TMEM215: variants seen among roughly 807,000 people sequenced by gnomAD.
TMEM215 encodes the protein transmembrane protein 215.
A neutral mutation model predicts 14.7 loss-of-function variants in TMEM215; 12 were observed. The ratio of observed to expected loss-of-function variants is 0.82; its 90% CI spans 0.52 to 1.33. The LOEUF (loss-of-function observed/expected upper bound fraction) is 1.33, where lower values mean the gene tolerates loss of function less well. Among genes scored for constraint, TMEM215 ranks in the 40% most tolerant of loss-of-function variants. The probability of loss-of-function intolerance (pLI) is 0.00; values close to 1 mark genes in which losing one functional copy is unlikely to be tolerated. For synonymous variants in TMEM215, 122 were observed against 124.8 expected, an observed-to-expected ratio of 0.98 and a Z score of 0.15; for missense variants, 276 against 296.2, an observed-to-expected ratio of 0.93 and a Z score of 0.50.
Position 32,786,839 on chromosome 9 carries a change from A to C in TMEM215, c.*1948A>C, listed in dbSNP as rs1309090068. ...AACTTAAAATGTTGGTATAACTCAAAGTAATCTAATACACAACCTTGCACT... is the reference window on the plus strand; with the variant it reads ...AACTTAAAATGTTGGTATAACTCAACGTAATCTAATACACAACCTTGCACT... On this transcript the variant is annotated 3_prime_UTR_variant, in exon 2 of 2. Coordinates refer to ENST00000342743, the MANE Select transcript of TMEM215 (RefSeq NM_212558.3). The C allele has an allele frequency of 6.0e-6, 1 of 167,014 alleles. No individual in the cohort carries two copies. The highest frequency in any genetic ancestry group is 1.5e-5 in the Non-Finnish European group (1 of 68,044). 10.3% of individuals were successfully genotyped at this position (167,014 alleles called of 1,614,324 possible).
chr9:32,788,124 C>CAT lies in TMEM215; in HGVS notation c.*3234_*3235insTA, dbSNP rs1019513925. 6.6e-6 allele frequency among the ~76,000 whole-genome samples: 1 copy of CAT among 152,112 alleles called. No homozygotes were observed. The highest frequency in any genetic ancestry group is 2.4e-5 in the African/African-American group (1 of 41,420). ...TGGATCTTAATATCCACTGAGATGA[C>CAT]AAATGTAGGAAAGGAAGATTCATTC... On this transcript the variant is annotated 3_prime_UTR_variant, in exon 2 of 2. Coordinates refer to ENST00000342743, the MANE Select transcript of TMEM215 (RefSeq NM_212558.3).
In TMEM215 at chr9:32,787,566, AT is replaced by A. The variant is rs151299063; in HGVS notation, c.*2676del. 0.019 allele frequency among the ~76,000 whole-genome samples: 2,886 copies of A among 152,144 alleles called. 95 individuals carry two copies. Among genetic ancestry groups the A allele is most frequent in the African/African-American group, 0.066 (2,735 of 41,512 alleles). ...AGAGTTAAACTTCCAAAGTCAAAAA[AT>A]ATATATACACAAAAAAAGGGGAAAA... On this transcript the variant is annotated 3_prime_UTR_variant, in exon 2 of 2. Transcript: ENST00000342743.
Position 32,784,143 on chromosome 9 carries a change from C to T in TMEM215, c.-41C>T, listed in dbSNP as rs779885032. On this transcript the variant is annotated 5_prime_UTR_variant, in exon 2 of 2. Coordinates refer to ENST00000342743, the MANE Select transcript of TMEM215 (RefSeq NM_212558.3). ...TCTGACAGAATAGAGGAACGCTGCT[C>T]CCTGGTCAGCAAGCAGCCCCCAACC... 3 of 1,560,136 alleles carry T rather than the reference C, an allele frequency of 1.9e-6. No homozygotes were observed.
In TMEM215 at chr9:32,784,890, A is replaced by G. The variant is rs1401531553; in HGVS notation, c.707A>G (p.Ter236=). The part of the protein sequence containing the change: ...QGRWDHETIV[*] ...AGGTGGGACCACGAGACCATCGTCT[A>G]ATCTCTGCCTACAAAGGTGGCTGGA... The change falls in exon 2 of 2, where the codon TAA becomes TGA. Residue 236 remains the stop codon, a stop_retained_variant. Transcript: ENST00000342743. The G allele has an allele frequency of 6.2e-7, 1 of 1,609,290 alleles. No homozygotes were observed. Among genetic ancestry groups the G allele is most frequent in the Admixed American group, 1.7e-5 (1 of 59,894 alleles).
rs1188204878 is a variant in TMEM215, at chr9:32,786,038, T to C, written c.*1147T>C. 6.0e-6 allele frequency: 1 copy of C among 166,978 alleles called. No homozygotes were observed. The highest frequency in any genetic ancestry group is 1.5e-5 in the Non-Finnish European group (1 of 68,086). The allele number at this position is 166,978 out of a possible 1,614,324, so 10.3% of individuals were successfully genotyped here. A position where few individuals can be genotyped will look rare whatever the true frequency, so the allele number is the denominator to read the frequency against. ...CATTACATGATAAAAGTCTCTTTAT[T>C]TCATACATTTTTGCTGCTGAGGAAA... On this transcript the variant is annotated 3_prime_UTR_variant, in exon 2 of 2. Transcript: ENST00000342743.
rs189441793 is a variant in TMEM215 at position 32,787,251 on chromosome 9, T to C, written c.*2360T>C. ...AGGGTCAACTACTAGTTTAGAGATA[T>C]AAGGTATTTTATCTTGTTTTCAAGT... is the stretch of plus-strand genomic sequence containing the variant. On this transcript the variant is annotated 3_prime_UTR_variant, in exon 2 of 2. Transcript: ENST00000342743. 4.0e-4 allele frequency: 67 copies of C among 167,050 alleles called. No individual in the cohort carries two copies. The highest frequency in any genetic ancestry group is 1.6e-3 in the African/African-American group (67 of 41,576). The allele number at this position is 167,050 out of a possible 1,614,324, so 10.3% of individuals were successfully genotyped here.
In TMEM215 at chr9:32,785,447, A is replaced by T. The variant is rs1824497314; in HGVS notation, c.*556A>T. ...ATGGGATGGTTTTTGGGAAAAGGGT[A>T]GTTAAAGAGAGTTGGATTATGTAAC... On this transcript the variant is annotated 3_prime_UTR_variant, in exon 2 of 2. Transcript: ENST00000342743. The T allele has an allele frequency of 1.2e-5, 2 of 167,642 alleles. No individual in the cohort carries two copies. The highest frequency in any genetic ancestry group is 1.3e-4 in the Admixed American group (2 of 15,376). 10.4% of individuals were successfully genotyped at this position (167,642 alleles called of 1,614,324 possible). A position where few individuals can be genotyped will look rare whatever the true frequency, so the allele number is the denominator to read the frequency against.
Position 32,789,145 on chromosome 9 carries a change from T to C in TMEM215, c.*4254T>C, listed in dbSNP as rs564618783. ...GGAAAAACTAAACTGAGGATGGAAA[T>C]GGGGACAAATGCTTGGTTTGCCCAA... On this transcript the variant is annotated 3_prime_UTR_variant, in exon 2 of 2. Transcript: ENST00000342743. Among the ~76,000 whole-genome samples, 9 of 152,272 alleles carry C rather than the reference T, an allele frequency of 5.9e-5. No homozygotes were observed. The highest frequency in any genetic ancestry group is 1.7e-4 in the African/African-American group (7 of 41,548).
In TMEM215 at chr9:32,789,054, T is replaced by C. The variant is rs1824537552; in HGVS notation, c.*4163T>C. ...TTGTCGCCTATCAGTGACTTACAAATGAACTGGAATTTCAGGAATCTGATA... is the reference window on the plus strand; with the variant it reads ...TTGTCGCCTATCAGTGACTTACAAACGAACTGGAATTTCAGGAATCTGATA... On this transcript the variant is annotated 3_prime_UTR_variant, in exon 2 of 2. Coordinates refer to ENST00000342743, the MANE Select transcript of TMEM215 (RefSeq NM_212558.3). Among the ~76,000 whole-genome samples, 1 of 152,242 alleles carries C rather than the reference T, an allele frequency of 6.6e-6. No homozygotes were observed. The highest frequency in any genetic ancestry group is 1.5e-5 in the Non-Finnish European group (1 of 68,048).
In TMEM215 at chr9:32,784,856, A is replaced by G. The variant is rs1262339450; in HGVS notation, c.673A>G (p.Ile225Val). 6.2e-7 allele frequency: 1 copy of G among 1,613,086 alleles called. No homozygotes were observed. The highest frequency in any genetic ancestry group is 1.7e-5 in the Admixed American group (1 of 60,010). The change falls in exon 2 of 2, where the codon ATA (isoleucine) becomes GTA (valine). Residue 225 changes from isoleucine to valine, a missense_variant. By Grantham distance (29) the Ile-to-Val change is conservative (BLOSUM62 3). Transcript: ENST00000342743. ...YDRYCCYINQ[I>V]QGRWDHETIV ...CAGATACTGTTGTTATATCAATCAG[A>G]TACAAGGCAGGTGGGACCACGAGAC...
At position 32,787,174 on chromosome 9, in the gene TMEM215, T is replaced by A. The variant is rs1824516114; in HGVS notation, c.*2283T>A. 6.0e-6 allele frequency: 1 copy of A among 166,988 alleles called. No individual in the cohort carries two copies. The highest frequency in any genetic ancestry group is 1.5e-5 in the Non-Finnish European group (1 of 68,028). 10.3% of individuals were successfully genotyped at this position (166,988 alleles called of 1,614,324 possible). On this transcript the variant is annotated 3_prime_UTR_variant, in exon 2 of 2. Transcript: ENST00000342743. Reference sequence around the variant, plus strand: ...GGGTTGGAAAAGTTACTTTTCTGATTTCTTGGAACCATTTAAAACTCCTTT... The same window carrying A: ...GGGTTGGAAAAGTTACTTTTCTGATATCTTGGAACCATTTAAAACTCCTTT...
rs1027288720 is a variant in TMEM215, at chr9:32,788,896, A to G, written c.*4005A>G. Among the ~76,000 whole-genome samples the G allele has an allele frequency of 1.3e-5, 2 of 152,254 alleles. No individual in the cohort carries two copies. Among genetic ancestry groups the G allele is most frequent in the African/African-American group, 4.8e-5 (2 of 41,474 alleles). ...TAGATTACAGTGGTGTCAGTCTTCA[A>G]GAGCATCGTGTTCAACAAGCAAAAT... On this transcript the variant is annotated 3_prime_UTR_variant, in exon 2 of 2. Transcript: ENST00000342743.
Position 32,788,360 on chromosome 9 carries a change from C to G in TMEM215, c.*3469C>G, listed in dbSNP as rs1347332709. Among the ~76,000 whole-genome samples the G allele has an allele frequency of 1.3e-5, 2 of 152,184 alleles. No homozygotes were observed. The highest frequency in any genetic ancestry group is 4.8e-5 in the African/African-American group (2 of 41,452). On this transcript the variant is annotated 3_prime_UTR_variant, in exon 2 of 2. Transcript: ENST00000342743. ...TTTTGGTATATCATCTTCCAGGCTT[C>G]CTCCACATGCAAATGCAGCATACAT...
chr9:32,787,520 CA>C lies in TMEM215; in HGVS notation c.*2631del, dbSNP rs912389908. On this transcript the variant is annotated 3_prime_UTR_variant, in exon 2 of 2. Coordinates refer to ENST00000342743, the MANE Select transcript of TMEM215 (RefSeq NM_212558.3). Reference sequence around the variant, plus strand: ...AACAAGGTAACCTGGTGCCCCAAATCAATACTTGTAAGTACTATTCAGAGTT... The same window carrying C: ...AACAAGGTAACCTGGTGCCCCAAATCATACTTGTAAGTACTATTCAGAGTT... 4.0e-4 allele frequency: 66 copies of C among 166,702 alleles called. No homozygotes were observed. The highest frequency in any genetic ancestry group is 1.5e-3 in the African/African-American group (64 of 41,468). The allele number at this position is 166,702 out of a possible 1,614,324, so 10.3% of individuals were successfully genotyped here.
At position 32,784,114 on chromosome 9, in the gene TMEM215, C is replaced by T. The variant is rs1023504290; in HGVS notation, c.-58-12C>T. 19 of 1,457,592 alleles carry T rather than the reference C, an allele frequency of 1.3e-5. No individual in the cohort carries two copies. Among genetic ancestry groups the T allele is most frequent in the Non-Finnish European group, 1.5e-5 (16 of 1,074,114 alleles). 90.3% of individuals were successfully genotyped at this position (1,457,592 alleles called of 1,614,324 possible). A position where few individuals can be genotyped will look rare whatever the true frequency, so the allele number is the denominator to read the frequency against. On this transcript the variant is annotated splice_polypyrimidine_tract_variant and intron_variant, in intron 1 of 1. Coordinates refer to ENST00000342743, the MANE Select transcript of TMEM215 (RefSeq NM_212558.3). ...ATTTTTTTTTAACGCACTGTGGTTT[C>T]ATCTCTGACAGAATAGAGGAACGCT...
chr9:32,784,748 T>A lies in TMEM215; in HGVS notation c.565T>A (p.Cys189Ser), dbSNP rs148103023. The A allele has an allele frequency of 5.0e-6, 8 of 1,613,966 alleles. No individual in the cohort carries two copies. The Admixed American group carries it at 6.7e-5, about 13-fold the overall frequency. Reference protein sequence around the residue: ...VKCSARDRSECPEPEDSIFFV... With the variant: ...VKCSARDRSESPEPEDSIFFV... ...GTGCTCAGCAAGGGACAGATCTGAG[T>A]GCCCTGAGCCTGAGGATAGCATCTT... is the stretch of plus-strand genomic sequence containing the variant. Residue 189 changes from cysteine (C) to serine (S), a missense_variant, in exon 2 of 2, where the codon TGC becomes AGC. Physicochemically the swap from Cys to Ser is moderately radical, Grantham distance 112. Transcript: ENST00000342743.
In TMEM215 at chr9:32,784,297, A is replaced by G. The variant is rs764524257; in HGVS notation, c.114A>G (p.Gly38=). ...CTGGGATGAAAGGGGAGACTTTGGG[A>G]AACATCCCCCTCCTGGCCATCGGGC... ...TVSGMKGETL[G]NIPLLAIGPA... Residue 38 remains glycine (G), a synonymous_variant, in exon 2 of 2, where the codon GGA becomes GGG. Coordinates refer to ENST00000342743, the MANE Select transcript of TMEM215 (RefSeq NM_212558.3). The G allele has an allele frequency of 6.2e-7, 1 of 1,614,194 alleles. No individual in the cohort carries two copies. The highest frequency in any genetic ancestry group is 1.7e-5 in the Admixed American group (1 of 60,032).
Position 32,785,036 on chromosome 9 carries a change from G to T in TMEM215, c.*145G>T. ...GTGTGATAACCTCTGGTACCCGAGA[G>T]TCATGTAAATAGGCATGTTGGGGAC... On this transcript the variant is annotated 3_prime_UTR_variant, in exon 2 of 2. Transcript: ENST00000342743. 1 of 688,246 alleles carries T rather than the reference G, an allele frequency of 1.5e-6. No individual in the cohort carries two copies. Among genetic ancestry groups the T allele is most frequent in the Non-Finnish European group, 2.5e-6 (1 of 401,040 alleles). The allele number at this position is 688,246 out of a possible 1,614,324, so 42.6% of individuals were successfully genotyped here.
rs1034539873 is a variant in TMEM215 at position 32,787,339 on chromosome 9, G to A, written c.*2448G>A. 6.6e-5 allele frequency: 11 copies of A among 166,788 alleles called. No homozygotes were observed. Among genetic ancestry groups the A allele is most frequent in the Admixed American group, 5.9e-4 (9 of 15,266 alleles). 10.3% of individuals were successfully genotyped at this position (166,788 alleles called of 1,614,324 possible). Reference sequence around the variant, plus strand: ...CCATTACCTACTTAAGATACTTAAGGTATTTAAGTATGCATTTGAGGAAAT... The same window carrying A: ...CCATTACCTACTTAAGATACTTAAGATATTTAAGTATGCATTTGAGGAAAT... On this transcript the variant is annotated 3_prime_UTR_variant, in exon 2 of 2. Coordinates refer to ENST00000342743, the MANE Select transcript of TMEM215 (RefSeq NM_212558.3).
Sources: gnomAD v4.1 joint callset for allele counts (sites outside exome capture counted in the v4.1 genomes callset) on GRCh38, gnomAD v4.1.1 for gene constraint, MANE v1.5 for transcripts, NCBI Gene and HGNC (gene_info 2026-07-23, HGNC 2026-07-21) for gene names.